Variants in GNA14 observed in about 807,000 individuals in gnomAD.
GNA14 encodes the protein guanine nucleotide-binding protein subunit alpha-14.
A neutral mutation model predicts 42.0 loss-of-function variants in GNA14; 50 were observed. The observed-to-expected ratio is 1.19, with a 90% confidence interval of 0.95 to 1.51. The LOEUF is 1.51. Ranked by LOEUF, GNA14 falls within the 40% of genes most tolerant of loss-of-function variation. GNA14 has a pLI of 0.00. For synonymous variants in GNA14, 173 were observed against 163.1 expected, an observed-to-expected ratio of 1.06 and a Z score of -0.46; for missense variants, 473 against 446.2, an observed-to-expected ratio of 1.06 and a Z score of -0.54.
chr9:77,608,809 C>T (rs1318398533), intron 1 of GNA14, among the ~76,000 whole-genome samples: 5 of 149,136 alleles, frequency 3.4e-5, no homozygotes, highest in Non-Finnish European at 7.4e-5. Flanking sequence ...TTGGCGATGG[C>T]CCAACATCCT....
chr9:77,579,555 T>G (rs913916306), intron 1 of GNA14, among the ~76,000 whole-genome samples: 59 of 152,216 alleles, frequency 3.9e-4, no homozygotes, highest in African/African-American at 1.4e-3. Context: ...GAAATCTTGA[T>G]GTCTGCAAGT....
intron 1 of GNA14, among the ~76,000 whole-genome samples, chr9:77,616,203 T>A (rs937048086): frequency 6.6e-6 from 1 of 152,140 alleles, no homozygotes; most frequent in African/African-American, 2.4e-5. Context: ...ATTCAAGAGA[T>A]CAAGGACATC....
intron 2 of GNA14, among the ~76,000 whole-genome samples, chr9:77,460,948 C>T (rs1362356664): frequency 6.6e-6 from 1 of 152,232 alleles, no homozygotes; most frequent in Non-Finnish European, 1.5e-5. Context: ...AGTGGGATCA[C>T]AGACGTCAAG....
chr9:77,583,637 C>A (rs1283108466), intron 1 of GNA14, among the ~76,000 whole-genome samples: 1 of 152,126 alleles, frequency 6.6e-6, no homozygotes, highest in Non-Finnish European at 1.5e-5. Flanking sequence ...GAGATGAGAT[C>A]CCCATCATCT....
In GNA14 at chr9:77,474,634, T is replaced by C. The variant is rs1035835097; in HGVS notation, c.310-40112A>G. ...CATAATTACTAAATGGCCCAGCAGT[T>C]CCACTCCTAGGCATATACCCAAGAG... On this transcript the variant is annotated intron_variant, in intron 2 of 6. Coordinates refer to ENST00000341700, the MANE Select transcript of GNA14 (RefSeq NM_004297.4). 1.3e-4 allele frequency among the ~76,000 whole-genome samples: 20 copies of C among 152,260 alleles called. No individual in the cohort carries two copies. The East Asian group carries it at 3.5e-3, about 26-fold the overall frequency.
intron 5 of GNA14, among the ~76,000 whole-genome samples, chr9:77,426,933 T>C (rs977717028): frequency 6.6e-6 from 1 of 152,150 alleles, no homozygotes; most frequent in African/African-American, 2.4e-5. Flanking sequence ...TCCCCACAAC[T>C]TCCAGACACC....
intron 1 of GNA14, among the ~76,000 whole-genome samples, chr9:77,542,835 T>G (rs560819884): frequency 6.6e-6 from 1 of 152,174 alleles, no homozygotes. Context: ...AGGCCCCTGA[T>G]GGCAGGCTGA....
chr9:77,516,554 C>A (rs1837260723), intron 2 of GNA14, among the ~76,000 whole-genome samples: 1 of 152,158 alleles, frequency 6.6e-6, no homozygotes, highest in African/African-American at 2.4e-5. Context: ...GGTGAAACCA[C>A]ATCTCCACTA....
At chr9:77,463,383 T>TTCCAA (rs1836152531) in intron 2 of GNA14, among the ~76,000 whole-genome samples, 1 of 151,862 alleles carries the variant, frequency 6.6e-6, no homozygotes, top group Admixed American at 6.5e-5. Context: ...AATCAGTGGA[T>TTCCAA]GTCACTTAAA....
chr9:77,587,557 C>CA (rs1478625993), intron 1 of GNA14, among the ~76,000 whole-genome samples: 4 of 146,950 alleles, frequency 2.7e-5, no homozygotes, highest in Middle Eastern at 3.4e-3. Context: ...ACGCAAAAGT[C>CA]ACATAAGATT....
At chr9:77,642,007 G>A (rs1050392070) in intron 1 of GNA14, among the ~76,000 whole-genome samples, 9 of 151,990 alleles carry the variant, frequency 5.9e-5, no homozygotes, top group Admixed American at 2.6e-4. Context: ...ATTTTAAATC[G>A]GTTCCAAATA....
intron 1 of GNA14, among the ~76,000 whole-genome samples, chr9:77,555,966 C>G (rs190384379): frequency 6.6e-6 from 1 of 152,056 alleles, no homozygotes; most frequent in African/African-American, 2.4e-5. Context: ...CACATAAGGC[C>G]GGGCACAGTG....
At chr9:77,473,792 G>A (rs942671246) in intron 2 of GNA14, among the ~76,000 whole-genome samples, 1 of 152,126 alleles carries the variant, frequency 6.6e-6, no homozygotes, top group African/African-American at 2.4e-5. Flanking sequence ...AATCAAAACA[G>A]TGTGGTACTG....
chr9:77,647,865 C>A lies in GNA14; in HGVS notation c.-72G>T. The stretch of plus-strand genomic sequence containing the variant: ...CCGAATCCTCGGCCCGGCCGCTCAC[C>A]CGGCCAGCATGCGACGGGCACAGGG... On this transcript the variant is annotated 5_prime_UTR_variant, in exon 1 of 7. Transcript: ENST00000341700. The A allele has an allele frequency of 6.5e-7, 1 of 1,541,524 alleles. No homozygotes were observed. Among genetic ancestry groups the A allele is most frequent in the Non-Finnish European group, 8.7e-7 (1 of 1,145,990 alleles).
intron 2 of GNA14, among the ~76,000 whole-genome samples, chr9:77,447,480 C>A (rs572275764): frequency 6.6e-6 from 1 of 152,288 alleles, no homozygotes; most frequent in Non-Finnish European, 1.5e-5. Context: ...AATTCTATTT[C>A]TTTTTCAGTT....
intron 1 of GNA14, among the ~76,000 whole-genome samples, chr9:77,618,482 C>T (rs1176707612): frequency 4.7e-5 from 7 of 149,242 alleles, no homozygotes; most frequent in Admixed American, 6.7e-5. Flanking sequence ...CCAGTAGTTA[C>T]GTGGAGCCAT....
chr9:77,454,281 C>G (rs1436009570), intron 2 of GNA14, among the ~76,000 whole-genome samples: 1 of 152,228 alleles, frequency 6.6e-6, no homozygotes, highest in African/African-American at 2.4e-5. Context: ...GTCTCAGATT[C>G]TACCCCTAAA....
chr9:77,636,440 T>C (rs1249967173), intron 1 of GNA14, among the ~76,000 whole-genome samples: 1 of 152,226 alleles, frequency 6.6e-6, no homozygotes, highest in Non-Finnish European at 1.5e-5. Flanking sequence ...TGGATGGAAA[T>C]ATCAGCCATC....
chr9:77,432,411 CTTTGATGTGTAA>C (rs999847287), intron 3 of GNA14, among the ~76,000 whole-genome samples: 5 of 152,164 alleles, frequency 3.3e-5, no homozygotes, highest in African/African-American at 1.2e-4. Context: ...TTTTGCTGTA[CTTTGATGTGTAA>C]TTATTTGATT....
Sources: allele counts gnomAD v4.1 joint callset (sites outside exome capture counted in the v4.1 genomes callset), GRCh38; gene constraint gnomAD v4.1.1; transcripts MANE v1.5; gene names NCBI Gene and HGNC (gene_info 2026-07-23, HGNC 2026-07-21).